The following ACVR2A variants were observed in gnomAD, a reference collection of about 807,000 sequenced individuals.
ACVR2A encodes activin receptor type-2A.
ACVR2A carries 7 observed loss-of-function variants against 61.4 expected under a neutral mutation model. The ratio of observed to expected loss-of-function variants is 0.11; its 90% CI spans 0.06 to 0.21. The LOEUF (loss-of-function observed/expected upper bound fraction) is 0.21, where lower values mean the gene tolerates loss of function less well. Ranked by LOEUF, ACVR2A falls within the 10% of genes least tolerant of loss-of-function variation. The pLI, the probability that ACVR2A is intolerant of heterozygous loss-of-function variation, is 1.00. For missense variants in ACVR2A, 322 were observed against 621.7 expected (o/e 0.52, Z 5.13); for synonymous variants, 193 against 208.3 (o/e 0.93, Z 0.63).
At chr2:147,926,205 A>T in intron 10 of ACVR2A, 44 bp downstream of exon 10, 1 of 1,586,278 alleles carries the variant, frequency 6.3e-7, no homozygotes, top group South Asian at 1.2e-5. Flanking sequence ...CCAATAAAAC[A>T]CTTTTCAGAG....
Position 147,896,450 on chromosome 2 carries a change from G to A in ACVR2A, c.205G>A (p.Gly69Ser). 6.2e-7 allele frequency: 1 copy of A among 1,613,876 alleles called. No individual in the cohort carries two copies. Among genetic ancestry groups the A allele is most frequent in the Non-Finnish European group, 8.5e-7 (1 of 1,179,922 alleles). Reference protein sequence around the residue: ...HCFATWKNISGSIEIVKQGCW... With the variant: ...HCFATWKNISSSIEIVKQGCW... ...TTTTGCTACCTGGAAGAATATTTCTGGTTCCATTGAAATAGTGAAACAAGG... is the reference window on the plus strand; with the variant it reads ...TTTTGCTACCTGGAAGAATATTTCTAGTTCCATTGAAATAGTGAAACAAGG... The change falls in exon 2 of 11, where the codon GGT (glycine) becomes AGT (serine). Residue 69 changes from glycine to serine, a missense_variant. Gly to Ser is a moderately conservative substitution (Grantham distance 56). This residue lies in a region of ACVR2A where 142 missense variants were observed against 200.3 expected (regional missense o/e 0.71). Coordinates refer to ENST00000241416, the MANE Select transcript of ACVR2A (RefSeq NM_001616.5).
chr2:147,897,920 TG>T (rs1686780672), intron 2 of ACVR2A, among the ~76,000 whole-genome samples: 1 of 152,130 alleles, frequency 6.6e-6, no homozygotes, highest in East Asian at 1.9e-4. Flanking sequence ...AGGAAGAAAT[TG>T]GGGAAAAATG....
At chr2:147,866,444 G>A (rs1188603890) in intron 1 of ACVR2A, among the ~76,000 whole-genome samples, 1 of 152,198 alleles carries the variant, frequency 6.6e-6, no homozygotes, top group Non-Finnish European at 1.5e-5. Flanking sequence ...GCCATGCTTG[G>A]TTCAGGGACC....
intron 1 of ACVR2A, among the ~76,000 whole-genome samples, chr2:147,895,314 T>C (rs906301939): frequency 6.6e-6 from 1 of 152,170 alleles, no homozygotes; most frequent in Non-Finnish European, 1.5e-5. Context: ...CCTGTTGCTA[T>C]TGCGGTGAGC....
chr2:147,906,248 A>T (rs1054458606), intron 4 of ACVR2A, among the ~76,000 whole-genome samples: 2 of 152,068 alleles, frequency 1.3e-5, no homozygotes, highest in Non-Finnish European at 2.9e-5. Context: ...AGCTGCTTGT[A>T]GCACATGAGC....
At chr2:147,926,899 A>C (rs978238098) in intron 10 of ACVR2A, among the ~76,000 whole-genome samples, 181 bp from the exon 11 acceptor site, 1 of 150,976 alleles carries the variant, frequency 6.6e-6, no homozygotes, top group Non-Finnish European at 1.5e-5. Context: ...TCTCATGCTT[A>C]AAAAAAAAGT....
intron 1 of ACVR2A, among the ~76,000 whole-genome samples, chr2:147,876,233 A>G (rs947612155): frequency 1.3e-5 from 2 of 152,090 alleles, no homozygotes; most frequent in South Asian, 4.2e-4. Flanking sequence ...ACTCACTGTT[A>G]TTCTATTCTT....
intron 4 of ACVR2A, among the ~76,000 whole-genome samples, chr2:147,910,514 A>T (rs1687088122): frequency 6.6e-6 from 1 of 152,044 alleles, no homozygotes; most frequent in Non-Finnish European, 1.5e-5. Context: ...TTATCACAGG[A>T]AGAAAATCTA....
At chr2:147,873,735 T>A (rs192533381) in intron 1 of ACVR2A, among the ~76,000 whole-genome samples, 145 of 152,032 alleles carry the variant, frequency 9.5e-4, no homozygotes, top group African/African-American at 3.3e-3. Flanking sequence ...AGAGATTCAA[T>A]AGAAAATGAA....
rs1430033047 is a variant in ACVR2A, at chr2:147,927,296, C to CT, written c.*23dup. ...ATGATGGTTGCGCCATCTGTGCACA[C>CT]TAAGAAATGGGACTCTGAACTGGAG... On this transcript the variant is annotated 3_prime_UTR_variant, in exon 11 of 11. Transcript: ENST00000241416. 7 of 1,589,510 alleles carry CT rather than the reference C, an allele frequency of 4.4e-6. No homozygotes were observed. The highest frequency in any genetic ancestry group is 6.0e-6 in the Non-Finnish European group (7 of 1,169,330).
intron 8 of ACVR2A, 103 bp from the exon 9 acceptor site, chr2:147,922,870 C>T: frequency 2.5e-6 from 3 of 1,218,368 alleles, no homozygotes; most frequent in Non-Finnish European, 3.5e-6. Context: ...GTATACCTTA[C>T]CCTGGTAATA....
At chr2:147,872,743 A>T (rs767649099) in intron 1 of ACVR2A, among the ~76,000 whole-genome samples, 8 of 151,686 alleles carry the variant, frequency 5.3e-5, no homozygotes, top group Non-Finnish European at 1.0e-4. Flanking sequence ...TAGATATTTT[A>T]CAAGTAGAAG....
At chr2:147,916,293 G>C (rs1431289840) in intron 5 of ACVR2A, among the ~76,000 whole-genome samples, 1 of 151,710 alleles carries the variant, frequency 6.6e-6, no homozygotes, top group Non-Finnish European at 1.5e-5. Context: ...GATAAGGGAA[G>C]AAATTATTTC....
At chr2:147,922,387 G>C (rs930320993) in intron 8 of ACVR2A, among the ~76,000 whole-genome samples, 1 of 151,990 alleles carries the variant, frequency 6.6e-6, no homozygotes, top group East Asian at 1.9e-4. Context: ...ATATTTTTAA[G>C]CATTCATATA....
chr2:147,886,602 A>G (rs1686438440), intron 1 of ACVR2A, among the ~76,000 whole-genome samples: 2 of 152,236 alleles, frequency 1.3e-5, no homozygotes, highest in African/African-American at 4.8e-5. Flanking sequence ...AGTGAAATTG[A>G]TAATTGTAAA....
At chr2:147,917,256 C>G (rs1010194602) in intron 5 of ACVR2A, 27 bp from the exon 6 acceptor site, 2 of 1,605,572 alleles carry the variant, frequency 1.2e-6, no homozygotes, top group Non-Finnish European at 1.7e-6. Flanking sequence ...TCCTTGTGTT[C>G]TTACTATTCT....
chr2:147,899,938 A>G (rs1303158230), intron 4 of ACVR2A, 40 bp downstream of exon 4: 2 of 1,586,066 alleles, frequency 1.3e-6, no homozygotes, highest in Admixed American at 1.8e-5. Flanking sequence ...TTTAAATTGT[A>G]TATTTTTGAG....
intron 2 of ACVR2A, among the ~76,000 whole-genome samples, chr2:147,897,412 T>C (rs1057117407): frequency 3.3e-5 from 5 of 152,194 alleles, no homozygotes; most frequent in African/African-American, 1.2e-4. Flanking sequence ...GGAAGTAAAA[T>C]ACAGTGGTCA....
intron 1 of ACVR2A, among the ~76,000 whole-genome samples, chr2:147,870,428 C>G (rs1285471247): frequency 1.3e-5 from 2 of 152,070 alleles, no homozygotes; most frequent in Admixed American, 6.6e-5. Context: ...ATTTAACATG[C>G]CACTTCTGAT....
Sources: allele counts gnomAD v4.1 joint callset (sites outside exome capture counted in the v4.1 genomes callset), GRCh38; gene constraint gnomAD v4.1.1; regional missense constraint gnomAD v4.1.1; transcripts MANE v1.5; gene names NCBI Gene and HGNC (gene_info 2026-07-23, HGNC 2026-07-21).